SCN2A: variants seen among roughly 807,000 people sequenced by gnomAD.
SCN2A encodes sodium channel protein type 2 subunit alpha.
Under a neutral mutation model 188.7 loss-of-function variants are expected in SCN2A, and 20 were observed. That is an observed-to-expected ratio of 0.11 (90% CI 0.07 to 0.15). SCN2A has a LOEUF of 0.15. SCN2A is among the 10% of genes least tolerant of loss of function. SCN2A has a pLI of 1.00. For synonymous variants in SCN2A, 804 were observed against 833.1 expected (o/e 0.97, Z 0.60); for missense variants, 1,278 against 2,445.0 (o/e 0.52, Z 10.07).
chr2:165,325,056 A>C (rs564157091), intron 12 of SCN2A, among the ~76,000 whole-genome samples: 1 of 152,310 alleles, frequency 6.6e-6, no homozygotes, highest in African/African-American at 2.4e-5. Context: ...CTTCCTTAAC[A>C]AGCATCCCAC....
At chr2:165,288,992 A>AAAAG (rs1486093354) in intron 1 of SCN2A, among the ~76,000 whole-genome samples, 1 of 152,112 alleles carries the variant, frequency 6.6e-6, no homozygotes, top group African/African-American at 2.4e-5. Context: ...ACTTCCAGAA[A>AAAAG]AAAAGACTTT....
intron 2 of SCN2A, chr2:165,296,404 C>T (rs1371472700): frequency 6.3e-6 from 2 of 315,352 alleles, no homozygotes; most frequent in African/African-American, 4.3e-5. Flanking sequence ...ACCCTGATTC[C>T]CTAATAATGT....
At chr2:165,338,867 AACTGT>A (rs1412094967) in intron 14 of SCN2A, among the ~76,000 whole-genome samples, 2 of 152,156 alleles carry the variant, frequency 1.3e-5, no homozygotes, top group Non-Finnish European at 2.9e-5. Flanking sequence ...TTGTGAGAAA[AACTGT>A]CAGTAAACTA....
rs1004246694 is a variant in SCN2A, at chr2:165,391,753, G to A, written c.*1929G>A. 8 of 152,356 alleles carry A rather than the reference G, an allele frequency of 5.3e-5. No homozygotes were observed. The highest frequency in any genetic ancestry group is 1.2e-4 in the Non-Finnish European group (8 of 67,968). The allele number at this position is 152,356 out of a possible 1,614,324, so 9.4% of individuals were successfully genotyped here. A position where few individuals can be genotyped will look rare whatever the true frequency, so the allele number is the denominator to read the frequency against. ...TCAGTAATCATCAGTCTTTTCCAAT[G>A]TTTGTTTACACAGATAGATCTTATT... On this transcript the variant is annotated 3_prime_UTR_variant, in exon 27 of 27. Coordinates refer to ENST00000375437, the MANE Select transcript of SCN2A (RefSeq NM_001040142.2).
At position 165,344,542 on chromosome 2, in the gene SCN2A, C is replaced by T. The variant is rs1699472180; in HGVS notation, c.2563-13C>T. 6.2e-7 allele frequency: 1 copy of T among 1,612,458 alleles called. No homozygotes were observed. The highest frequency in any genetic ancestry group is 1.3e-5 in the African/African-American group (1 of 74,968). On this transcript the variant is annotated splice_polypyrimidine_tract_variant and intron_variant, in intron 15 of 26. Coordinates refer to ENST00000375437, the MANE Select transcript of SCN2A (RefSeq NM_001040142.2). ...ATGCAGAGCATTAACACTGTTCTTG[C>T]TTTTATTTCCAGCTCCGAGTTTTCA...
In SCN2A at chr2:165,354,257, T is replaced by C. The variant is rs1336113495; in HGVS notation, c.2985T>C (p.Asp995=). The C allele has an allele frequency of 1.9e-6, 3 of 1,614,092 alleles. No homozygotes were observed. Among genetic ancestry groups the C allele is most frequent in the Non-Finnish European group, 2.5e-6 (3 of 1,179,994 alleles). ...GTTCTGACAATCTTGCTGCCACTGA[T>C]GATGATAACGAAATGAATAATCTCC... is the stretch of plus-strand genomic sequence containing the variant. ...SFSSDNLAAT[D]DDNEMNNLQI... is the part of the protein sequence containing the mutation. The change falls in exon 17 of 27, where the codon GAT becomes GAC. Residue 995 remains aspartate, a synonymous_variant. Coordinates refer to ENST00000375437, the MANE Select transcript of SCN2A (RefSeq NM_001040142.2).
At chr2:165,377,565 G>A in intron 22 of SCN2A, 32 bp from the exon 23 acceptor site, 1 of 1,569,218 alleles carries the variant, frequency 6.4e-7, no homozygotes, top group Non-Finnish European at 8.7e-7. Flanking sequence ...ATAATTTTGG[G>A]AAAAAAGAAA....
chr2:165,282,105 C>T (rs1293102607), intron 1 of SCN2A, among the ~76,000 whole-genome samples: 1 of 152,040 alleles, frequency 6.6e-6, no homozygotes, highest in African/African-American at 2.4e-5. Context: ...TTAAGCCTGT[C>T]GGGGATTTGA....
At chr2:165,291,541 C>CT (rs1559340627) in intron 1 of SCN2A, among the ~76,000 whole-genome samples, 45 of 91,148 alleles carry the variant, frequency 4.9e-4, no homozygotes, top group East Asian at 2.5e-3. Context: ...TCCTTCCTTC[C>CT]TTCCTTCCTT....
chr2:165,317,377 G>A (rs893743271), intron 11 of SCN2A, among the ~76,000 whole-genome samples: 1 of 150,920 alleles, frequency 6.6e-6, no homozygotes, highest in Non-Finnish European at 1.5e-5. Context: ...GGAGGGGGGA[G>A]AGAGAGAGAG....
intron 1 of SCN2A, chr2:165,274,265 G>A (rs983151256): frequency 6.6e-6 from 1 of 151,088 alleles, no homozygotes; most frequent in African/African-American, 2.4e-5. Flanking sequence ...AAAAAAAATG[G>A]TTTACTTACT....
chr2:165,376,689 G>T (rs1420030441), intron 22 of SCN2A, among the ~76,000 whole-genome samples: 1 of 148,594 alleles, frequency 6.7e-6, no homozygotes, highest in African/African-American at 2.6e-5. Context: ...CCCAAGGGGG[G>T]TTGAAAAGGG....
intron 16 of SCN2A, among the ~76,000 whole-genome samples, chr2:165,350,460 CTTTCTTTTTTTTTTTTTT>C (rs1416479301): frequency 3.9e-5 from 3 of 77,918 alleles, no homozygotes; most frequent in Admixed American, 1.6e-4. Flanking sequence ...GAACTGTTTT[CTTTCTTTTTTTTTTTTTT>C]TTTTTTTTTT....
chr2:165,328,601 A>G (rs1698493118), intron 13 of SCN2A: 7 of 746,722 alleles, frequency 9.4e-6, no homozygotes, highest in Middle Eastern at 6.9e-4. Context: ...GCTAAATAAG[A>G]CATTACTTAA....
chr2:165,386,880 T>A lies in SCN2A; in HGVS notation c.4686T>A (p.Ile1562=). The stretch of plus-strand genomic sequence containing the variant: ...ACCAGAGTCAAGAAATGACAAACAT[T>A]CTGTACTGGATTAATCTGGTGTTTA... ...TDDQSQEMTN[I]LYWINLVFIV... Residue 1562 remains isoleucine (I), a synonymous_variant, in exon 26 of 27, where the codon ATT becomes ATA. Coordinates refer to ENST00000375437, the MANE Select transcript of SCN2A (RefSeq NM_001040142.2). 7 of 1,613,954 alleles carry A rather than the reference T, an allele frequency of 4.3e-6. No homozygotes were observed. Among genetic ancestry groups the A allele is most frequent in the Non-Finnish European group, 5.9e-6 (7 of 1,179,932 alleles).
intron 20 of SCN2A, chr2:165,372,852 T>C (rs1466475328): frequency 4.5e-6 from 1 of 220,264 alleles, no homozygotes; most frequent in East Asian, 1.1e-4. Context: ...TTAGAAATGA[T>C]ACAGAAATAA....
At chr2:165,381,746 CT>C (rs1262970284) in intron 25 of SCN2A, among the ~76,000 whole-genome samples, 1 of 151,938 alleles carries the variant, frequency 6.6e-6, no homozygotes, top group Non-Finnish European at 1.5e-5. Flanking sequence ...CTTTGTAGGG[CT>C]TTTTATTGGC....
intron 25 of SCN2A, among the ~76,000 whole-genome samples, chr2:165,385,169 G>T (rs1017149956): frequency 5.9e-5 from 9 of 152,104 alleles, no homozygotes; most frequent in African/African-American, 2.2e-4. Context: ...CCTCCCAATA[G>T]AAAGAGGGCA....
chr2:165,309,254 C>T (rs1246187601), intron 5 of SCN2A, 98 bp from the exon 6 acceptor site: 4 of 1,613,412 alleles, frequency 2.5e-6, no homozygotes, highest in Non-Finnish European at 1.7e-6. Flanking sequence ...TCTGTAATTC[C>T]AGGTAAGAAG....
Sources: gnomAD v4.1 joint callset for allele counts (sites outside exome capture counted in the v4.1 genomes callset) on GRCh38, gnomAD v4.1.1 for gene constraint, MANE v1.5 for transcripts, NCBI Gene and HGNC (gene_info 2026-07-23, HGNC 2026-07-21) for gene names.